Variants in LRFN5 observed in about 807,000 individuals in gnomAD.
LRFN5 encodes leucine rich repeat and fibronectin type III domain containing 5, also known as leucine-rich repeat and fibronectin type-III domain-containing protein 5.
In LRFN5, 24 loss-of-function variants were observed where a neutral mutation model predicts 45.6. That is an observed-to-expected ratio of 0.53 (90% CI 0.38 to 0.74). The LOEUF (loss-of-function observed/expected upper bound fraction) is 0.74. Ranked by LOEUF, LRFN5 falls within the 30% of genes least tolerant of loss-of-function variation. LRFN5 has a pLI of 0.00. For missense variants in LRFN5, 776 were observed against 861.5 expected (o/e 0.90, Z 1.24); for synonymous variants, 340 against 313.8 (o/e 1.08, Z -0.88).
chr14:41,837,233 A>T (rs1888695902), intron 2 of LRFN5, among the ~76,000 whole-genome samples: 1 of 151,512 alleles, frequency 6.6e-6, no homozygotes, highest in Non-Finnish European at 1.5e-5. Context: ...GCGTTTGAAT[A>T]AATCTCAGTT....
intron 2 of LRFN5, among the ~76,000 whole-genome samples, chr14:41,856,542 A>C (rs1214727745): frequency 5.9e-5 from 9 of 151,770 alleles, no homozygotes. Flanking sequence ...GAATGTGAGC[A>C]TTTCAAACTT....
intron 1 of LRFN5, among the ~76,000 whole-genome samples, chr14:41,748,788 C>T (rs772943022): frequency 1.1e-4 from 16 of 151,902 alleles, no homozygotes; most frequent in Non-Finnish European, 2.2e-4. Flanking sequence ...TCATATGTGA[C>T]ACATAATTTC....
At chr14:41,762,480 A>G (rs1476985067) in intron 1 of LRFN5, among the ~76,000 whole-genome samples, 1 of 152,124 alleles carries the variant, frequency 6.6e-6, no homozygotes, top group Non-Finnish European at 1.5e-5. Context: ...ATGCATTTTC[A>G]TATTCAATCA....
intron 4 of LRFN5, 104 bp downstream of exon 4, chr14:41,892,066 A>T: frequency 6.7e-7 from 1 of 1,488,208 alleles, no homozygotes; most frequent in South Asian, 1.4e-5. Flanking sequence ...CGCCGAACAC[A>T]TGTGGACTGT....
intron 2 of LRFN5, among the ~76,000 whole-genome samples, chr14:41,861,031 G>C (rs557253999): frequency 6.6e-6 from 1 of 152,268 alleles, no homozygotes; most frequent in African/African-American, 2.4e-5. Context: ...ATTTCATGGA[G>C]TTTATTAGTC....
chr14:41,744,869 G>C (rs188209477), intron 1 of LRFN5, among the ~76,000 whole-genome samples: 1 of 152,038 alleles, frequency 6.6e-6, no homozygotes, highest in Non-Finnish European at 1.5e-5. Context: ...ACATTTACAC[G>C]TAGTAATTGA....
At chr14:41,854,952 A>G (rs1889402066) in intron 2 of LRFN5, among the ~76,000 whole-genome samples, 1 of 152,212 alleles carries the variant, frequency 6.6e-6, no homozygotes, top group Admixed American at 6.6e-5. Flanking sequence ...AGGAACCGTG[A>G]CTGCAGAAAG....
chr14:41,654,395 A>C (rs1420422775), intron 1 of LRFN5, among the ~76,000 whole-genome samples: 3 of 152,068 alleles, frequency 2.0e-5, no homozygotes, highest in African/African-American at 7.2e-5. Context: ...TAGCATGTAC[A>C]TAGTATGTAC....
At chr14:41,696,794 T>C (rs2138716700) in intron 1 of LRFN5, among the ~76,000 whole-genome samples, 1 of 152,056 alleles carries the variant, frequency 6.6e-6, no homozygotes, top group South Asian at 2.1e-4. Context: ...TCATCGTGGC[T>C]TCAGTTTGCA....
rs554430394 is a variant in LRFN5 at position 41,669,600 on chromosome 14, C to T, written c.-197+61038C>T. ...TAACACATACTATTGGCATGGTTGT[C>T]GCTTGTGGGAATGTAAGCAATACAT... On this transcript the variant is annotated intron_variant, in intron 1 of 5. Coordinates refer to ENST00000298119, the MANE Select transcript of LRFN5 (RefSeq NM_152447.5). Among the ~76,000 whole-genome samples, 7 of 151,854 alleles carry T rather than the reference C, an allele frequency of 4.6e-5. No individual in the cohort carries two copies. In the East Asian group the frequency reaches 7.7e-4, roughly 17 times the overall value.
intron 2 of LRFN5, among the ~76,000 whole-genome samples, chr14:41,848,233 T>C (rs1457555474): frequency 6.6e-6 from 1 of 151,908 alleles, no homozygotes; most frequent in African/African-American, 2.4e-5. Flanking sequence ...TAAATAATAA[T>C]AATAAAAACA....
chr14:41,854,324 TC>T (rs5808159), intron 2 of LRFN5, among the ~76,000 whole-genome samples: 30,692 of 151,630 alleles, frequency 0.2, 4,051 homozygotes, highest in East Asian at 0.48. Flanking sequence ...TGCATAGTAT[TC>T]CATGGTGTAT....
At chr14:41,802,118 C>T (rs1887355810) in intron 2 of LRFN5, among the ~76,000 whole-genome samples, 1 of 152,308 alleles carries the variant, frequency 6.6e-6, no homozygotes, top group South Asian at 2.1e-4. Flanking sequence ...TGGCAACAGT[C>T]AGCCTTAATA....
chr14:41,879,437 G>A (rs1002994826), intron 2 of LRFN5, among the ~76,000 whole-genome samples: 9 of 151,426 alleles, frequency 5.9e-5, no homozygotes, highest in Admixed American at 4.6e-4. Flanking sequence ...CCCTTTACCC[G>A]GATTCCCAAA....
At chr14:41,883,713 G>C (rs139844584) in intron 2 of LRFN5, among the ~76,000 whole-genome samples, 4 of 152,100 alleles carry the variant, frequency 2.6e-5, no homozygotes, top group African/African-American at 9.6e-5. Flanking sequence ...ATTGTAATCC[G>C]TCTTATTTCT....
chr14:41,853,543 T>C (rs946641561), intron 2 of LRFN5, among the ~76,000 whole-genome samples: 2 of 151,966 alleles, frequency 1.3e-5, no homozygotes, highest in African/African-American at 4.8e-5. Context: ...GAAAATAAGG[T>C]TGTAGGGAGT....
At chr14:41,879,230 TAAG>T (rs1390079186) in intron 2 of LRFN5, among the ~76,000 whole-genome samples, 2 of 152,076 alleles carry the variant, frequency 1.3e-5, no homozygotes, top group South Asian at 2.1e-4. Context: ...ATGACAAAGT[TAAG>T]AAGATTTATG....
chr14:41,815,452 G>A (rs1052844441), intron 2 of LRFN5, among the ~76,000 whole-genome samples: 1 of 152,080 alleles, frequency 6.6e-6, no homozygotes, highest in Non-Finnish European at 1.5e-5. Flanking sequence ...TGGGTTTCTT[G>A]TCTAGATGCG....
chr14:41,730,966 T>G (rs1050830463), intron 1 of LRFN5, among the ~76,000 whole-genome samples: 9 of 152,100 alleles, frequency 5.9e-5, no homozygotes, highest in Non-Finnish European at 1.3e-4. Flanking sequence ...TGGAGTGGTC[T>G]ATACAAAATG....
Sources: gnomAD v4.1 joint callset for allele counts (sites outside exome capture counted in the v4.1 genomes callset) on GRCh38, gnomAD v4.1.1 for gene constraint, MANE v1.5 for transcripts, NCBI Gene and HGNC (gene_info 2026-07-23, HGNC 2026-07-21) for gene names.